ICE2: variants seen among roughly 807,000 people sequenced by gnomAD.
ICE2 encodes the protein little elongation complex subunit 2.
ICE2 carries 87 observed loss-of-function variants against 105.4 expected under a neutral mutation model. The ratio of observed to expected loss-of-function variants is 0.83; its 90% CI spans 0.69 to 0.99. The LOEUF (loss-of-function observed/expected upper bound fraction) is 0.99. Among genes scored for constraint, ICE2 ranks in the 50% least tolerant of loss-of-function variants. ICE2 has a pLI of 0.00. For synonymous variants in ICE2, 399 were observed against 392.0 expected, an observed-to-expected ratio of 1.02 and a Z score of -0.21; for missense variants, 1,323 against 1,146.7, an observed-to-expected ratio of 1.15 and a Z score of -2.22.
At chr15:60,450,589 T>C (rs150660898) in intron 9 of ICE2, among the ~76,000 whole-genome samples, 2 of 152,322 alleles carry the variant, frequency 1.3e-5, no homozygotes, top group East Asian at 3.9e-4. Flanking sequence ...AGAAATTTCA[T>C]AACTGGTTAT....
intron 5 of ICE2, among the ~76,000 whole-genome samples, chr15:60,461,029 C>T (rs974028912): frequency 5.3e-5 from 8 of 150,154 alleles, no homozygotes; most frequent in Middle Eastern, 3.2e-3. Flanking sequence ...TTGGCCTCTA[C>T]GCAGTAGATA....
chr15:60,433,515 G>C lies in ICE2; in HGVS notation c.2511-1531C>G, dbSNP rs1396276138. Reference sequence around the variant, plus strand: ...CTCTTTATTTTTATTTTTTTGAGATGAGTCTTGCTCTTTTTGCCCAGGTTG... The same window carrying C: ...CTCTTTATTTTTATTTTTTTGAGATCAGTCTTGCTCTTTTTGCCCAGGTTG... On this transcript the variant is annotated intron_variant, in intron 13 of 15. Coordinates refer to ENST00000261520, the MANE Select transcript of ICE2 (RefSeq NM_024611.6). Among the ~76,000 whole-genome samples, 5 of 151,254 alleles carry C rather than the reference G, an allele frequency of 3.3e-5. No homozygotes were observed. In the South Asian group the frequency reaches 8.4e-4, roughly 25 times the overall value.
chr15:60,455,314 C>T lies in ICE2; in HGVS notation c.783+12G>A. 6.3e-7 allele frequency: 1 copy of T among 1,590,376 alleles called. No individual in the cohort carries two copies. The highest frequency in any genetic ancestry group is 1.1e-5 in the South Asian group (1 of 90,180). On this transcript the variant is annotated intron_variant, in intron 7 of 15. Coordinates refer to ENST00000261520, the MANE Select transcript of ICE2 (RefSeq NM_024611.6). ...ATTATTTAGGAAGATCCAATGTTGC[C>T]TTGGTACTTACATAATGCATAGCTT...
At chr15:60,459,715 C>G (rs1242984302) in intron 5 of ICE2, among the ~76,000 whole-genome samples, 1 of 152,048 alleles carries the variant, frequency 6.6e-6, no homozygotes, top group African/African-American at 2.4e-5. Context: ...TAATGAGAGT[C>G]AAAATGCTCT....
chr15:60,450,672 A>G (rs1393487885), intron 9 of ICE2, among the ~76,000 whole-genome samples: 2 of 152,224 alleles, frequency 1.3e-5, no homozygotes, highest in Non-Finnish European at 1.5e-5. Flanking sequence ...AGTAAGAAAG[A>G]TCAACTCGTG....
chr15:60,471,737 C>G (rs1218339926), intron 3 of ICE2, among the ~76,000 whole-genome samples: 1 of 151,612 alleles, frequency 6.6e-6, no homozygotes, highest in Non-Finnish European at 1.5e-5. Flanking sequence ...AAGTTTTGCC[C>G]CTGCATTTTG....
Position 60,455,021 on chromosome 15 carries a change from G to A in ICE2, c.925C>T (p.Gln309Ter). 6.4e-7 allele frequency: 1 copy of A among 1,564,878 alleles called. No individual in the cohort carries two copies. Among genetic ancestry groups the A allele is most frequent in the Non-Finnish European group, 8.6e-7 (1 of 1,164,422 alleles). ...TACAAACCTGCAACAGGTATTACTT[G>A]AATACACACTGGAATTTCCCACTGT... ...KEQWEIPVCI[Q>*]VIPVAGSKPV... The change falls in exon 8 of 16, where the codon CAA becomes TAA. Residue 309 changes from glutamine to a stop codon, truncating the protein, a stop_gained. Coordinates refer to ENST00000261520, the MANE Select transcript of ICE2 (RefSeq NM_024611.6). LOFTEE classifies it high-confidence loss of function.
chr15:60,429,979 T>C (rs2063420452), intron 14 of ICE2, among the ~76,000 whole-genome samples: 1 of 152,200 alleles, frequency 6.6e-6, no homozygotes, highest in Non-Finnish European at 1.5e-5. Context: ...TGTACATGTC[T>C]AATGTACATA....
At chr15:60,465,750 CTTT>C (rs201899350) in intron 5 of ICE2, among the ~76,000 whole-genome samples, 11 of 126,996 alleles carry the variant, frequency 8.7e-5, no homozygotes, top group Admixed American at 2.4e-4. Flanking sequence ...ATACTTTATT[CTTT>C]TTTTTTTTTT....
rs1369310581 is a variant in ICE2, at chr15:60,421,810, G to A, written c.*1824C>T. On this transcript the variant is annotated 3_prime_UTR_variant, in exon 16 of 16. Coordinates refer to ENST00000261520, the MANE Select transcript of ICE2 (RefSeq NM_024611.6). ...CAGTGTTTTATAAAAGGGAATGGCA[G>A]GATGAGGAAATGATTTATCAAGATA... The A allele has an allele frequency of 6.6e-6, 1 of 152,150 alleles. No individual in the cohort carries two copies. The highest frequency in any genetic ancestry group is 1.5e-5 in the Non-Finnish European group (1 of 68,032). The allele number at this position is 152,150 out of a possible 1,614,324, so 9.4% of individuals were successfully genotyped here. A position where few individuals can be genotyped will look rare whatever the true frequency, so the allele number is the denominator to read the frequency against.
intron 3 of ICE2, among the ~76,000 whole-genome samples, chr15:60,472,452 T>C (rs1177567766): frequency 5.3e-5 from 8 of 152,092 alleles, no homozygotes; most frequent in Non-Finnish European, 1.2e-4. Flanking sequence ...AAAACAAAGT[T>C]AGGAAAAAAG....
intron 3 of ICE2, 112 bp downstream of exon 3, chr15:60,475,951 C>T: frequency 1.4e-6 from 1 of 694,294 alleles, no homozygotes; most frequent in Non-Finnish European, 2.3e-6. Context: ...AGTTGTTTTA[C>T]TTTAAACATT....
In ICE2 at chr15:60,446,366, C is replaced by T. The variant is rs535654234; in HGVS notation, c.2295+1604G>A. 2.6e-5 allele frequency among the ~76,000 whole-genome samples: 4 copies of T among 152,200 alleles called. 1 individual carries two copies. Among genetic ancestry groups the T allele is most frequent in the South Asian group, 2.1e-4 (1 of 4,808 alleles). On this transcript the variant is annotated intron_variant, in intron 11 of 15. Transcript: ENST00000261520. Reference sequence around the variant, plus strand: ...TCATAGTAGTCAAACCCTCATGCCGCTGTTATTAGCAATGTGGAAAAGTTG... The same window carrying T: ...TCATAGTAGTCAAACCCTCATGCCGTTGTTATTAGCAATGTGGAAAAGTTG...
intron 3 of ICE2, among the ~76,000 whole-genome samples, chr15:60,475,113 G>C (rs2064721378): frequency 6.6e-6 from 1 of 152,202 alleles, no homozygotes; most frequent in Non-Finnish European, 1.5e-5. Context: ...GAGAAACGAA[G>C]AAAGTAAATG....
chr15:60,432,044 A>C, intron 13 of ICE2, 60 bp from the exon 14 acceptor site: 1 of 874,076 alleles, frequency 1.1e-6, no homozygotes, highest in South Asian at 1.5e-5. Flanking sequence ...TTTAGCAATT[A>C]TAGCTCCTCA....
Position 60,455,316 on chromosome 15 carries a change from TGG to T in ICE2, c.783+8_783+9del. ...TATTTAGGAAGATCCAATGTTGCCT[TGG>T]TACTTACATAATGCATAGCTTCAGC... On this transcript the variant is annotated splice_region_variant and intron_variant, in intron 7 of 15. Coordinates refer to ENST00000261520, the MANE Select transcript of ICE2 (RefSeq NM_024611.6). 6.3e-7 allele frequency: 1 copy of T among 1,595,678 alleles called. No individual in the cohort carries two copies. Among genetic ancestry groups the T allele is most frequent in the Non-Finnish European group, 8.6e-7 (1 of 1,164,090 alleles).
In ICE2 at chr15:60,453,719, C is replaced by T. The variant is rs142325568; in HGVS notation, c.1009G>A (p.Glu337Lys). The T allele has an allele frequency of 6.2e-7, 1 of 1,607,876 alleles. No homozygotes were observed. Among genetic ancestry groups the T allele is most frequent in the Admixed American group, 1.7e-5 (1 of 60,004 alleles). ...PLPQKKMTMR[E>K]RNQIFHEVPL... is the part of the protein sequence containing the mutation. ...ACTTCATGAAAGATTTGATTTCTCT[C>T]TCTCATAGTCATTTTCTTTTGGGGA... The change falls in exon 9 of 16, where the codon GAG becomes AAG. Residue 337 changes from glutamate (E) to lysine (K), a missense_variant. Glu to Lys is a moderately conservative substitution (Grantham distance 56). Transcript: ENST00000261520.
intron 12 of ICE2, among the ~76,000 whole-genome samples, chr15:60,436,641 G>A (rs2063595211): frequency 6.7e-6 from 1 of 149,930 alleles, no homozygotes; most frequent in Admixed American, 6.7e-5. Context: ...CGTTAACCCG[G>A]GAGGCAGAGC....
intron 13 of ICE2, among the ~76,000 whole-genome samples, chr15:60,435,159 T>C (rs964948772): frequency 6.6e-6 from 1 of 152,078 alleles, no homozygotes; most frequent in Non-Finnish European, 1.5e-5. Flanking sequence ...CGGGCACCTG[T>C]AGTCCCAGCT....
Sources: allele counts gnomAD v4.1 joint callset (sites outside exome capture counted in the v4.1 genomes callset), GRCh38; gene constraint gnomAD v4.1.1; transcripts MANE v1.5; gene names NCBI Gene and HGNC (gene_info 2026-07-23, HGNC 2026-07-21).